The following SGTA variants were observed in gnomAD, a reference collection of about 807,000 sequenced individuals.
The protein encoded by SGTA is small glutamine-rich tetratricopeptide repeat-containing protein alpha.
A neutral mutation model predicts 44.3 loss-of-function variants in SGTA; 22 were observed. The ratio of observed to expected loss-of-function variants is 0.50; its 90% confidence interval spans 0.36 to 0.71. SGTA has a LOEUF of 0.71. SGTA is among the 30% of genes least tolerant of loss of function. The pLI is 0.00. For missense variants in SGTA, 341 were observed against 435.9 expected (o/e 0.78, Z 1.94); for synonymous variants, 174 against 177.6 (o/e 0.98, Z 0.16).
intron 1 of SGTA, chr19:2,782,471 A>C (rs1424307885): frequency 6.6e-6 from 1 of 152,190 alleles, no homozygotes; most frequent in African/African-American, 2.4e-5. Context: ...CAAATAATTG[A>C]ATGTGGGTTT....
At chr19:2,772,898 C>T (rs1469382173) in intron 1 of SGTA, among the ~76,000 whole-genome samples, 2 of 88,556 alleles carry the variant, frequency 2.3e-5, no homozygotes, top group Non-Finnish European at 3.8e-5. Flanking sequence ...ATGGGTGACG[C>T]GGCCACAGGG....
Position 2,763,561 on chromosome 19 carries a change from G to A in SGTA, c.497+92C>T. ...AACCGGGGTGGGAGAATTCGTTGTG[G>A]GTGGGAAAAAAGCCACACAAGAGAG... On this transcript the variant is annotated intron_variant, in intron 6 of 11. Coordinates refer to ENST00000221566, the MANE Select transcript of SGTA (RefSeq NM_003021.4). The surrounding 1 kb of genome is among the most constrained non-coding windows in gnomAD (Gnocchi z 5.8). The A allele has an allele frequency of 2.4e-6, 2 of 841,236 alleles. No individual in the cohort carries two copies. The highest frequency in any genetic ancestry group is 1.9e-6 in the Non-Finnish European group (1 of 536,420). The allele number at this position is 841,236 out of a possible 1,614,324, so 52.1% of individuals were successfully genotyped here. A position where few individuals can be genotyped will look rare whatever the true frequency, so the allele number is the denominator to read the frequency against.
Position 2,767,706 on chromosome 19 carries a change from G to T in SGTA, c.101-20C>A. The T allele has an allele frequency of 6.3e-7, 1 of 1,582,692 alleles. No individual in the cohort carries two copies. Among genetic ancestry groups the T allele is most frequent in the Admixed American group, 1.7e-5 (1 of 59,968 alleles). ...TGGCGACTGAAGCGGGGACAGAGGC[G>T]GTCCCATTCATTGCACGCAGCCCCG... is the stretch of plus-strand genomic sequence containing the variant. On this transcript the variant is annotated intron_variant, in intron 2 of 11. Coordinates refer to ENST00000221566, the MANE Select transcript of SGTA (RefSeq NM_003021.4). This position sits in a 1 kb window ranked among gnomAD's most constrained non-coding sequence, Gnocchi z 7.3.
intron 1 of SGTA, among the ~76,000 whole-genome samples, chr19:2,774,526 A>G (rs7259740): frequency 0.022 from 3,364 of 152,238 alleles, 105 homozygotes; most frequent in African/African-American, 0.076. Context: ...ATGGCCCGAG[A>G]CACGTAGGTT....
In SGTA at chr19:2,761,670, A is replaced by T. The variant is rs1367234098; in HGVS notation, c.637-148T>A. On this transcript the variant is annotated intron_variant, in intron 7 of 11. Coordinates refer to ENST00000221566, the MANE Select transcript of SGTA (RefSeq NM_003021.4). The surrounding 1 kb of genome is among the most constrained non-coding windows in gnomAD (Gnocchi z 5.7). The stretch of plus-strand genomic sequence containing the variant: ...AGGGTGCTTTGAGGCAGGCAGCACG[A>T]AGCACATCGCAACCGCCCGGGGACG... 7 of 684,572 alleles carry T rather than the reference A, an allele frequency of 1.0e-5. No individual in the cohort carries two copies. The highest frequency in any genetic ancestry group is 1.8e-5 in the Non-Finnish European group (7 of 391,786). 42.4% of individuals were successfully genotyped at this position (684,572 alleles called of 1,614,324 possible). A position where few individuals can be genotyped will look rare whatever the true frequency, so the allele number is the denominator to read the frequency against.
At position 2,756,405 on chromosome 19, in the gene SGTA, G is replaced by A. The variant is rs1046623703; in HGVS notation, c.*7-472C>T. Among the ~76,000 whole-genome samples the A allele has an allele frequency of 3.3e-5, 5 of 150,370 alleles. No homozygotes were observed. The East Asian group carries it at 5.8e-4, about 18-fold the overall frequency. On this transcript the variant is annotated intron_variant, in intron 11 of 11. Coordinates refer to ENST00000221566, the MANE Select transcript of SGTA (RefSeq NM_003021.4). ...CAGGAGGTTGAGGCTGCAGTGAGACGTGACTGCACCACTGCCCTCCAGCCG... is the reference window on the plus strand; with the variant it reads ...CAGGAGGTTGAGGCTGCAGTGAGACATGACTGCACCACTGCCCTCCAGCCG...
chr19:2,758,507 A>G (rs1407713783), intron 9 of SGTA, among the ~76,000 whole-genome samples: 1 of 143,902 alleles, frequency 6.9e-6, no homozygotes, highest in Non-Finnish European at 1.5e-5. Flanking sequence ...ACAGAGCAAG[A>G]TTCTGTCTCA....
Position 2,765,331 on chromosome 19 carries a change from G to A in SGTA, c.293-46C>T. ...ACCGGCCCGGTGTCCACACAGACCG[G>A]AGGGGGTGTCAGGGAGAGAGGAAAA... On this transcript the variant is annotated intron_variant, in intron 4 of 11. Transcript: ENST00000221566. This position sits in a 1 kb window ranked among gnomAD's most constrained non-coding sequence, Gnocchi z 5.5. 3.6e-6 allele frequency: 5 copies of A among 1,408,444 alleles called. No homozygotes were observed. Among genetic ancestry groups the A allele is most frequent in the Non-Finnish European group, 5.0e-6 (5 of 1,003,260 alleles). 87.2% of individuals were successfully genotyped at this position (1,408,444 alleles called of 1,614,324 possible). A position where few individuals can be genotyped will look rare whatever the true frequency, so the allele number is the denominator to read the frequency against.
intron 1 of SGTA, among the ~76,000 whole-genome samples, chr19:2,774,894 T>C (rs942628897): frequency 6.6e-6 from 1 of 152,208 alleles, no homozygotes; most frequent in African/African-American, 2.4e-5. Context: ...CTCCAGATTC[T>C]GTCTCTCTCC....
chr19:2,778,126 G>T (rs1036473831), intron 1 of SGTA: 3 of 152,120 alleles, frequency 2.0e-5, no homozygotes, highest in Admixed American at 2.0e-4. Flanking sequence ...CAGACAGGTG[G>T]CACACGCAAG....
At chr19:2,768,027 G>A (rs1156240737) in intron 2 of SGTA, among the ~76,000 whole-genome samples, 1 of 152,176 alleles carries the variant, frequency 6.6e-6, no homozygotes, top group African/African-American at 2.4e-5. Context: ...GGCCACGTCA[G>A]GGGTGAGGTG....
chr19:2,777,378 C>T (rs181055059), intron 1 of SGTA: 1 of 150,304 alleles, frequency 6.7e-6, no homozygotes, highest in Non-Finnish European at 1.5e-5. Context: ...ATAGGGAGAC[C>T]CCATCTCTGC....
At chr19:2,758,858 C>T (rs1020353195) in intron 9 of SGTA, among the ~76,000 whole-genome samples, 9 of 152,232 alleles carry the variant, frequency 5.9e-5, no homozygotes, top group Non-Finnish European at 1.2e-4. Flanking sequence ...GAGGACGTCA[C>T]GCTCAGTGAG....
intron 2 of SGTA, among the ~76,000 whole-genome samples, chr19:2,768,444 C>A (rs1915210506): frequency 6.6e-6 from 1 of 152,140 alleles, no homozygotes. Flanking sequence ...TAGAGCAGAA[C>A]CTGCAGCCAC....
chr19:2,766,745 T>C (rs1402980999), intron 4 of SGTA, among the ~76,000 whole-genome samples: 5 of 152,020 alleles, frequency 3.3e-5, no homozygotes, highest in Non-Finnish European at 7.4e-5. Flanking sequence ...CTCTTCTTGC[T>C]TTTTGACTCT....
intron 8 of SGTA, chr19:2,759,566 G>C (rs977739076): frequency 4.8e-5 from 23 of 482,714 alleles, no homozygotes; most frequent in Non-Finnish European, 1.9e-5. Flanking sequence ...ACTGGCTGCT[G>C]CGGTTTTGCT....
In SGTA at chr19:2,765,922, G is replaced by A. The variant is rs555554038; in HGVS notation, c.293-637C>T. On this transcript the variant is annotated intron_variant, in intron 4 of 11. Transcript: ENST00000221566. This position sits in a 1 kb window ranked among gnomAD's most constrained non-coding sequence, Gnocchi z 5.5. Reference sequence around the variant, plus strand: ...ATAATTTACATGCCACAAAGCTTACGCTTTAAAAATATAAGCCCGGGCGCG... The same window carrying A: ...ATAATTTACATGCCACAAAGCTTACACTTTAAAAATATAAGCCCGGGCGCG... 7.2e-5 allele frequency among the ~76,000 whole-genome samples: 11 copies of A among 152,266 alleles called. No homozygotes were observed. In the South Asian group the frequency reaches 1.9e-3, roughly 26 times the overall value.
At position 2,767,777 on chromosome 19, in the gene SGTA, C is replaced by A; in HGVS notation, c.101-91G>T. 1 of 946,514 alleles carries A rather than the reference C, an allele frequency of 1.1e-6. No homozygotes were observed. The highest frequency in any genetic ancestry group is 1.4e-5 in the South Asian group (1 of 73,394). 58.6% of individuals were successfully genotyped at this position (946,514 alleles called of 1,614,324 possible). ...GAGGGCGGGGTTGGTGCTCATGCTT[C>A]CCCAGGTGTGTTCATTCCCAAGGAC... is the stretch of plus-strand genomic sequence containing the variant. On this transcript the variant is annotated intron_variant, in intron 2 of 11. Transcript: ENST00000221566. This position sits in a 1 kb window ranked among gnomAD's most constrained non-coding sequence, Gnocchi z 7.3.
At chr19:2,778,567 CTG>C (rs1915498476) in intron 1 of SGTA, among the ~76,000 whole-genome samples, 2 of 152,164 alleles carry the variant, frequency 1.3e-5, no homozygotes, top group African/African-American at 4.8e-5. Context: ...TACCCCATCC[CTG>C]TTACCCTGGG....
Sources: gnomAD v4.1 joint callset for allele counts (sites outside exome capture counted in the v4.1 genomes callset) on GRCh38, gnomAD v4.1.1 for gene constraint, Gnocchi (gnomAD v3.1) non-coding constraint, MANE v1.5 for transcripts, NCBI Gene and HGNC (gene_info 2026-07-23, HGNC 2026-07-21) for gene names.